AKT3: variants seen among roughly 807,000 people sequenced by gnomAD.
AKT3 encodes the protein RAC-gamma serine/threonine-protein kinase.
Under a neutral mutation model 65.3 loss-of-function variants are expected in AKT3, and 15 were observed. The observed-to-expected ratio is 0.23, with a 90% confidence interval of 0.15 to 0.35. The LOEUF is 0.35. AKT3 is among the 10% of genes least tolerant of loss of function. The pLI, the probability that AKT3 is intolerant of heterozygous loss-of-function variation, is 1.00. For missense variants in AKT3, 243 were observed against 576.5 expected (o/e 0.42, Z 5.92); for synonymous variants, 206 against 183.8 (o/e 1.12, Z -0.98).
intron 6 of AKT3, among the ~76,000 whole-genome samples, chr1:243,622,277 C>T (rs950432227): frequency 3.3e-5 from 5 of 152,208 alleles, no homozygotes; most frequent in African/African-American, 1.2e-4. Context: ...TGATCTCCTT[C>T]AAATGCTTGC....
intron 2 of AKT3, among the ~76,000 whole-genome samples, chr1:243,833,695 C>T (rs905169090): frequency 6.6e-6 from 1 of 151,778 alleles, no homozygotes; most frequent in African/African-American, 2.4e-5. Context: ...AATGAAATGA[C>T]ATATTTAAAA....
At chr1:243,783,756 T>C (rs1253935468) in intron 2 of AKT3, among the ~76,000 whole-genome samples, 1 of 152,128 alleles carries the variant, frequency 6.6e-6, no homozygotes, top group Non-Finnish European at 1.5e-5. Flanking sequence ...GAATGGTAAA[T>C]AATAACTTAG....
At chr1:243,774,582 T>C (rs1316861781) in intron 2 of AKT3, among the ~76,000 whole-genome samples, 1 of 152,200 alleles carries the variant, frequency 6.6e-6, no homozygotes, top group Non-Finnish European at 1.5e-5. Context: ...GTTGAAATTT[T>C]TGTTGTTTAA....
chr1:243,729,674 A>G (rs1433488076), intron 2 of AKT3, among the ~76,000 whole-genome samples: 1 of 152,238 alleles, frequency 6.6e-6, no homozygotes, highest in Admixed American at 6.5e-5. Context: ...GAAAACGTTC[A>G]TAATATTAAG....
chr1:243,814,031 T>A (rs368841241), intron 2 of AKT3, among the ~76,000 whole-genome samples: 35 of 152,174 alleles, frequency 2.3e-4, no homozygotes, highest in African/African-American at 5.1e-4. Context: ...AGCCCAGGAG[T>A]TAGAGGCTGC....
Position 243,796,787 on chromosome 1 carries a change from T to A in AKT3, c.46+46338A>T, listed in dbSNP as rs561183612. On this transcript the variant is annotated intron_variant, in intron 2 of 13. Coordinates refer to ENST00000673466, the MANE Select transcript of AKT3 (RefSeq NM_005465.7). Reference sequence around the variant, plus strand: ...AATGTGGTACATCCATATTATGGAGTGTTATTTAGCCTTAAGAAGGAAGGA... The same window carrying A: ...AATGTGGTACATCCATATTATGGAGAGTTATTTAGCCTTAAGAAGGAAGGA... Among the ~76,000 whole-genome samples, 58 of 151,992 alleles carry A rather than the reference T, an allele frequency of 3.8e-4. 1 individual carries two copies. Among genetic ancestry groups the A allele is most frequent in the African/African-American group, 1.3e-3 (54 of 41,438 alleles).
At chr1:243,780,661 AAG>A (rs1450066075) in intron 2 of AKT3, among the ~76,000 whole-genome samples, 2 of 151,736 alleles carry the variant, frequency 1.3e-5, no homozygotes, top group Admixed American at 6.6e-5. Flanking sequence ...AAGAGGAAAA[AAG>A]AAAGATAATA....
intron 4 of AKT3, among the ~76,000 whole-genome samples, chr1:243,648,528 T>C (rs1681025030): frequency 6.6e-6 from 1 of 152,176 alleles, no homozygotes; most frequent in African/African-American, 2.4e-5. Context: ...TATTGGGCTA[T>C]AGTTGTCTTT....
intron 2 of AKT3, among the ~76,000 whole-genome samples, chr1:243,819,815 T>G (rs1397458960): frequency 6.6e-6 from 1 of 152,230 alleles, no homozygotes; most frequent in African/African-American, 2.4e-5. Flanking sequence ...TTTGCTGTTC[T>G]GCAGCCCCCT....
chr1:243,532,542 G>A (rs1671613305), intron 12 of AKT3, among the ~76,000 whole-genome samples: 1 of 152,096 alleles, frequency 6.6e-6, no homozygotes, highest in Non-Finnish European at 1.5e-5. Context: ...TAATTATACT[G>A]CTGAATGGTT....
chr1:243,557,783 T>C (rs1000104075), intron 10 of AKT3, among the ~76,000 whole-genome samples: 20 of 152,144 alleles, frequency 1.3e-4, no homozygotes, highest in Non-Finnish European at 5.9e-5. Flanking sequence ...AGACCTTTTC[T>C]GAATTCCCAG....
chr1:243,541,066 T>C (rs1558600758), intron 12 of AKT3, among the ~76,000 whole-genome samples: 1 of 152,210 alleles, frequency 6.6e-6, no homozygotes, highest in South Asian at 2.1e-4. Context: ...TTGTAAATGA[T>C]AAATGTTCAC....
chr1:243,582,348 A>G (rs1201942998), intron 8 of AKT3, among the ~76,000 whole-genome samples: 3 of 151,764 alleles, frequency 2.0e-5, no homozygotes, highest in Admixed American at 2.0e-4. Flanking sequence ...CAGCTAGAGA[A>G]AAAGGGCAGA....
chr1:243,850,963 C>CGGA (rs1401988062), upstream of AKT3: 2 of 152,122 alleles, frequency 1.3e-5, no homozygotes, highest in African/African-American at 2.4e-5. Flanking sequence ...GCCCTGGCCG[C>CGGA]GGACGCGCGC....
chr1:243,639,455 T>C (rs1680214252), intron 5 of AKT3, among the ~76,000 whole-genome samples: 1 of 152,156 alleles, frequency 6.6e-6, no homozygotes. Context: ...AAGACCCTGC[T>C]GGTAAAACAG....
At chr1:243,656,942 T>C (rs1371882141) in intron 4 of AKT3, among the ~76,000 whole-genome samples, 1 of 152,164 alleles carries the variant, frequency 6.6e-6, no homozygotes, top group Non-Finnish European at 1.5e-5. Flanking sequence ...AGAAAAAAGG[T>C]ATATGTGCTA....
chr1:243,726,040 AC>A (rs2148128193), intron 2 of AKT3, among the ~76,000 whole-genome samples: 2 of 86,610 alleles, frequency 2.3e-5, no homozygotes, highest in East Asian at 8.8e-4. Flanking sequence ...CATGCCTCCA[AC>A]ATTAATGTCT....
chr1:243,753,690 A>G (rs552963164), intron 2 of AKT3, among the ~76,000 whole-genome samples: 19 of 152,296 alleles, frequency 1.2e-4, no homozygotes, highest in African/African-American at 4.6e-4. Flanking sequence ...TCATCATAAT[A>G]TATTCCTCAT....
chr1:243,671,118 G>A (rs1683129968), intron 3 of AKT3, among the ~76,000 whole-genome samples: 1 of 135,352 alleles, frequency 7.4e-6, no homozygotes, highest in South Asian at 2.3e-4. Context: ...TCGCTCTGTT[G>A]CCCAGGCTGG....
Sources: allele counts gnomAD v4.1 joint callset (sites outside exome capture counted in the v4.1 genomes callset), GRCh38; gene constraint gnomAD v4.1.1; transcripts MANE v1.5; gene names NCBI Gene and HGNC (gene_info 2026-07-23, HGNC 2026-07-21).